KLHL1: variants seen among roughly 807,000 people sequenced by gnomAD.
The protein encoded by KLHL1 is kelch like family member 1.
In KLHL1, 47 loss-of-function variants were observed where a neutral mutation model predicts 77.7. That is an observed-to-expected ratio of 0.60 (90% confidence interval 0.48 to 0.77). KLHL1 has a LOEUF of 0.77. Among genes scored for constraint, KLHL1 ranks in the 30% least tolerant of loss-of-function variants. The pLI, the probability that KLHL1 is intolerant of heterozygous loss-of-function variation, is 0.00. For missense variants in KLHL1, 925 were observed against 910.8 expected (o/e 1.02, Z -0.20); for synonymous variants, 360 against 325.2 (o/e 1.11, Z -1.15).
chr13:69,800,121 A>C (rs1877311017), intron 6 of KLHL1, among the ~76,000 whole-genome samples: 2 of 152,298 alleles, frequency 1.3e-5, no homozygotes, highest in East Asian at 3.9e-4. Flanking sequence ...TCTAGAGGCC[A>C]CCACATTCCT....
chr13:69,892,882 T>G (rs1881478461), intron 4 of KLHL1, among the ~76,000 whole-genome samples: 1 of 152,202 alleles, frequency 6.6e-6, no homozygotes, highest in African/African-American at 2.4e-5. Context: ...CAATTTAAGG[T>G]CTAAATGGTC....
At chr13:69,982,667 TAA>T (rs1174238725) in intron 1 of KLHL1, among the ~76,000 whole-genome samples, 1 of 151,572 alleles carries the variant, frequency 6.6e-6, no homozygotes, top group African/African-American at 2.4e-5. Flanking sequence ...ATTATTCAAT[TAA>T]AAGACATGGA....
chr13:70,001,219 T>C (rs539732995), intron 1 of KLHL1, among the ~76,000 whole-genome samples: 2 of 151,146 alleles, frequency 1.3e-5, no homozygotes, highest in African/African-American at 4.8e-5. Flanking sequence ...AAATAGGAAA[T>C]AGAAATAAGC....
intron 1 of KLHL1, among the ~76,000 whole-genome samples, chr13:70,085,465 T>C (rs1056394706): frequency 3.9e-5 from 6 of 152,200 alleles, no homozygotes; most frequent in African/African-American, 1.4e-4. Context: ...TGAACAAAGA[T>C]TGCCACAGAA....
chr13:69,712,772 TGGG>T (rs796919925), intron 9 of KLHL1, among the ~76,000 whole-genome samples: 59 of 52,972 alleles, frequency 1.1e-3, no homozygotes, highest in African/African-American at 3.3e-3. Context: ...TTTTTTTTTT[TGGG>T]GGGGGGGTTT....
At chr13:70,096,716 T>A (rs1291199128) in intron 1 of KLHL1, among the ~76,000 whole-genome samples, 1 of 151,932 alleles carries the variant, frequency 6.6e-6, no homozygotes, top group African/African-American at 2.4e-5. Flanking sequence ...TCTTTTTTTC[T>A]TTTTGCTGCC....
chr13:69,759,855 A>G, intron 7 of KLHL1, among the ~76,000 whole-genome samples: 1 of 152,190 alleles, frequency 6.6e-6, no homozygotes, highest in Non-Finnish European at 1.5e-5. Context: ...CAGTTAAGAC[A>G]AGATTGCCAG....
intron 6 of KLHL1, among the ~76,000 whole-genome samples, chr13:69,816,020 A>T (rs2138070347): frequency 6.6e-6 from 1 of 151,594 alleles, no homozygotes; most frequent in South Asian, 2.1e-4. Context: ...ACCTCAAAAT[A>T]AAAAAAATGC....
At chr13:69,781,285 CTTTTTTTTTTT>C (rs869083780) in intron 7 of KLHL1, among the ~76,000 whole-genome samples, 2 of 119,708 alleles carry the variant, frequency 1.7e-5, no homozygotes, top group Non-Finnish European at 3.4e-5. Flanking sequence ...TTTTTTCTTT[CTTTTTTTTTTT>C]TTTTTTTTTG....
At chr13:69,846,722 T>C (rs939910402) in intron 5 of KLHL1, among the ~76,000 whole-genome samples, 5 of 150,900 alleles carry the variant, frequency 3.3e-5, no homozygotes, top group African/African-American at 1.2e-4. Context: ...GTTTCATACA[T>C]TGAACCACAT....
intron 6 of KLHL1, among the ~76,000 whole-genome samples, chr13:69,806,808 C>T (rs1045037132): frequency 4.6e-5 from 7 of 152,150 alleles, no homozygotes; most frequent in Admixed American, 3.3e-4. Flanking sequence ...TTTGAGAGTG[C>T]AGATACTGGG....
chr13:69,993,666 AG>A (rs1216211994), intron 1 of KLHL1, among the ~76,000 whole-genome samples: 1 of 152,028 alleles, frequency 6.6e-6, no homozygotes, highest in African/African-American at 2.4e-5. Context: ...TCAGGCCTAG[AG>A]GTAGTAATGG....
intron 1 of KLHL1, among the ~76,000 whole-genome samples, chr13:70,030,869 A>G (rs192761685): frequency 1.6e-3 from 241 of 152,308 alleles, no homozygotes; most frequent in Non-Finnish European, 8.2e-4. Flanking sequence ...AGAAGAAAAG[A>G]GAGAAGAATC....
At chr13:69,772,689 A>C (rs934907181) in intron 7 of KLHL1, among the ~76,000 whole-genome samples, 1 of 152,156 alleles carries the variant, frequency 6.6e-6, no homozygotes, top group African/African-American at 2.4e-5. Context: ...CCGTGTGTAA[A>C]GTATCTTGCA....
chr13:70,035,205 T>A (rs1378845115), intron 1 of KLHL1, among the ~76,000 whole-genome samples: 1 of 152,088 alleles, frequency 6.6e-6, no homozygotes, highest in East Asian at 1.9e-4. Context: ...TAAGTGTCTA[T>A]CAACAGACAA....
intron 7 of KLHL1, among the ~76,000 whole-genome samples, chr13:69,779,346 C>T (rs1195993173): frequency 8.2e-6 from 1 of 121,764 alleles, no homozygotes; most frequent in Admixed American, 7.9e-5. Flanking sequence ...CCTTCCTTCC[C>T]TCCTCTTTTT....
At chr13:70,067,727 G>C (rs12428566) in intron 1 of KLHL1, among the ~76,000 whole-genome samples, 2,491 of 152,208 alleles carry the variant, frequency 0.016, 34 homozygotes, top group African/African-American at 0.042. Flanking sequence ...AACAATCAAT[G>C]AGACTTTCTA....
chr13:69,940,000 C>A, intron 4 of KLHL1, 40 bp downstream of exon 4: 1 of 1,454,774 alleles, frequency 6.9e-7, no homozygotes, highest in Non-Finnish European at 9.3e-7. Flanking sequence ...TCTGATAACA[C>A]AGAGTGTGTC....
At chr13:69,914,678 CTTA>C (rs1419470287) in intron 4 of KLHL1, among the ~76,000 whole-genome samples, 1 of 152,084 alleles carries the variant, frequency 6.6e-6, no homozygotes, top group African/African-American at 2.4e-5. Context: ...TGTGCTTTAG[CTTA>C]TTATTTTGTT....
Sources: allele counts gnomAD v4.1 joint callset (sites outside exome capture counted in the v4.1 genomes callset), GRCh38; gene constraint gnomAD v4.1.1; transcripts MANE v1.5; gene names NCBI Gene and HGNC (gene_info 2026-07-23, HGNC 2026-07-21).